The following PCDH15 variants were observed in gnomAD, a reference collection of about 807,000 sequenced individuals.
PCDH15 encodes the protein protocadherin related 15.
In PCDH15, 129 loss-of-function variants were observed where a neutral mutation model predicts 178.5. The observed-to-expected ratio is 0.72, with a 90% CI of 0.63 to 0.84. The LOEUF (loss-of-function observed/expected upper bound fraction) is 0.84. PCDH15 is among the 40% of genes least tolerant of loss of function. The pLI is 0.00. For synonymous variants in PCDH15, 800 were observed against 732.0 expected, an observed-to-expected ratio of 1.09 and a Z score of -1.50; for missense variants, 2,230 against 2,099.9, an observed-to-expected ratio of 1.06 and a Z score of -1.21.
intron 3 of PCDH15, among the ~76,000 whole-genome samples, chr10:54,469,494 A>C (rs1009187359): frequency 3.3e-5 from 5 of 152,196 alleles, no homozygotes; most frequent in African/African-American, 1.2e-4. Context: ...GTGAGGGCTT[A>C]GTCACATATA....
chr10:54,099,885 A>C lies in PCDH15; in HGVS notation c.1918-9822T>G, dbSNP rs565503837. Among the ~76,000 whole-genome samples the C allele has an allele frequency of 3.0e-4, 46 of 152,288 alleles. No homozygotes were observed. The South Asian group carries it at 9.5e-3, about 32-fold the overall frequency. On this transcript the variant is annotated intron_variant, in intron 15 of 37. Transcript: ENST00000644397. Reference sequence around the variant, plus strand: ...TCCAGGTCTAGTATCTACAAGATTAAGAACCTAGTCTTAATTCTCTCACTT... The same window carrying C: ...TCCAGGTCTAGTATCTACAAGATTACGAACCTAGTCTTAATTCTCTCACTT...
At chr10:55,438,681 A>T (rs1839105926) in intron 2 of PCDH15, among the ~76,000 whole-genome samples, 2 of 152,120 alleles carry the variant, frequency 1.3e-5, no homozygotes, top group South Asian at 4.1e-4. Flanking sequence ...AGAAAGAGAA[A>T]CGGAAAAGAA....
intron 1 of PCDH15, among the ~76,000 whole-genome samples, chr10:54,753,356 G>T (rs1946600125): frequency 6.6e-6 from 1 of 151,996 alleles, no homozygotes. Context: ...CTAACTTTTT[G>T]TATTTTTAGC....
chr10:54,457,224 TCTAA>T (rs745983950), intron 3 of PCDH15, among the ~76,000 whole-genome samples: 2 of 152,156 alleles, frequency 1.3e-5, no homozygotes, highest in Non-Finnish European at 1.5e-5. Context: ...TAATTTCAAC[TCTAA>T]CTATCAAAGT....
chr10:54,888,095 G>A (rs928869556), intron 3 of PCDH15, among the ~76,000 whole-genome samples: 6 of 152,174 alleles, frequency 3.9e-5, no homozygotes, highest in Non-Finnish European at 5.9e-5. Context: ...CAAGCTTAAC[G>A]TATGTAAACA....
chr10:54,601,256 G>A (rs1460186170), intron 2 of PCDH15, among the ~76,000 whole-genome samples: 1 of 151,884 alleles, frequency 6.6e-6, no homozygotes, highest in Non-Finnish European at 1.5e-5. Flanking sequence ...CAATAGAATG[G>A]GAGAAATTAT....
In PCDH15 at chr10:55,233,538, TAA is replaced by T. The variant is rs577513821; in HGVS notation, c.-155-66889_-155-66888del. Among the ~76,000 whole-genome samples the T allele has an allele frequency of 4.6e-5, 7 of 152,136 alleles. No individual in the cohort carries two copies. In the South Asian group the frequency reaches 1.2e-3, roughly 27 times the overall value. ...ACATGTGTCATAAGGATAAGAAAAA[TAA>T]AGTCAACTTCATAAAATGCACTGAT... On this transcript the variant is annotated intron_variant, in intron 1 of 5. Transcript: ENST00000458638.
At position 54,170,521 on chromosome 10, in the gene PCDH15, T is replaced by C. The variant is rs569398907; in HGVS notation, c.1590+12923A>G. Among the ~76,000 whole-genome samples, 366 of 151,688 alleles carry C rather than the reference T, an allele frequency of 2.4e-3. 3 individuals carry two copies. The highest frequency in any genetic ancestry group is 8.4e-3 in the African/African-American group (344 of 41,006). The stretch of plus-strand genomic sequence containing the variant: ...TATTTTCTTCCTCATACCTGATGCA[T>C]ATACTTTCTGCTTCCCAGCTCCTTC... On this transcript the variant is annotated intron_variant, in intron 13 of 37. Coordinates refer to ENST00000644397, the MANE Select transcript of PCDH15 (RefSeq NM_001384140.1).
At chr10:54,273,837 T>C (rs932829908) in intron 8 of PCDH15, among the ~76,000 whole-genome samples, 5 of 152,118 alleles carry the variant, frequency 3.3e-5, no homozygotes, top group African/African-American at 1.2e-4. Context: ...CTATTCCCTC[T>C]GGAACACCCT....
chr10:55,114,498 T>G (rs1426701034), intron 2 of PCDH15, among the ~76,000 whole-genome samples: 1 of 152,236 alleles, frequency 6.6e-6, no homozygotes. Context: ...ATTCTGACTT[T>G]TAGCTAAGCA....
chr10:54,738,596 G>T (rs1591373953), intron 1 of PCDH15, among the ~76,000 whole-genome samples: 1 of 151,926 alleles, frequency 6.6e-6, no homozygotes, highest in East Asian at 1.9e-4. Context: ...AGACAAACAT[G>T]CAATAATAAT....
intron 2 of PCDH15, among the ~76,000 whole-genome samples, chr10:55,078,947 T>C (rs1841974718): frequency 6.6e-6 from 1 of 152,182 alleles, no homozygotes; most frequent in African/African-American, 2.4e-5. Context: ...TTCTATTCAA[T>C]GAGTTCTTCG....
At chr10:54,051,369 A>G (rs72794975) in intron 18 of PCDH15, among the ~76,000 whole-genome samples, 3,432 of 152,294 alleles carry the variant, frequency 0.023, 51 homozygotes, top group Non-Finnish European at 0.037. Context: ...GGAACTCTCT[A>G]GAGACTTGTT....
At position 54,408,882 on chromosome 10, in the gene PCDH15, C is replaced by G. The variant is rs529118864; in HGVS notation, c.158-29940G>C. Among the ~76,000 whole-genome samples, 118 of 152,114 alleles carry G rather than the reference C, an allele frequency of 7.8e-4. 2 individuals are homozygous for G. The highest frequency in any genetic ancestry group is 1.5e-3 in the Non-Finnish European group (105 of 68,028). On this transcript the variant is annotated intron_variant, in intron 3 of 37. Coordinates refer to ENST00000644397, the MANE Select transcript of PCDH15 (RefSeq NM_001384140.1). ...GCTTTCTGGAACCAGGCATCTGGAT[C>G]ATGGGAAAGGCAGCATTTCCTAGGT... is the stretch of plus-strand genomic sequence containing the variant.
At chr10:54,515,980 A>G (rs1438568811) in intron 3 of PCDH15, among the ~76,000 whole-genome samples, 1 of 152,216 alleles carries the variant, frequency 6.6e-6, no homozygotes, top group East Asian at 1.9e-4. Context: ...GGACATCCAC[A>G]CCAAAAATCC....
At chr10:54,617,755 C>CAAAAAAAAAAAAAAAAAAA (rs71010398) in intron 2 of PCDH15, among the ~76,000 whole-genome samples, 1 of 117,140 alleles carries the variant, frequency 8.5e-6, no homozygotes, top group Non-Finnish European at 1.8e-5. Context: ...TCTAAAAATA[C>CAAAAAAAAAAAAAAAAAAA]AAAAAAAAAA....
rs11004752 is a variant in PCDH15 at position 55,150,058 on chromosome 10, T to A, written c.-80+16518A>T. Among the ~76,000 whole-genome samples the A allele has an allele frequency of 1.8e-4, 18 of 102,320 alleles. No individual in the cohort carries two copies. The East Asian group carries it at 4.2e-3, about 24-fold the overall frequency. 67.1% of individuals were successfully genotyped at this position (102,320 alleles called of 152,430 possible). A position where few individuals can be genotyped will look rare whatever the true frequency, so the allele number is the denominator to read the frequency against. On this transcript the variant is annotated intron_variant, in intron 2 of 5. Coordinates refer to the PCDH15 transcript ENST00000458638. Reference sequence around the variant, plus strand: ...AAAGAAGAGAAGAGAGAGAGAGAAGTGAAGAGGAGAGGAGGGGGAGGGGAG... The same window carrying A: ...AAAGAAGAGAAGAGAGAGAGAGAAGAGAAGAGGAGAGGAGGGGGAGGGGAG...
rs115898348 is a variant in PCDH15 at position 54,697,142 on chromosome 10, T to C, written c.-28-32852A>G. Among the ~76,000 whole-genome samples the C allele has an allele frequency of 5.7e-3, 872 of 152,224 alleles. 9 individuals carry two copies. Among genetic ancestry groups the C allele is most frequent in the African/African-American group, 0.02 (833 of 41,560 alleles). The stretch of plus-strand genomic sequence containing the variant: ...GAAATAAAGTTATTTTATTTATTTG[T>C]AGTTACTACAGAAGAAATGACTTTG... On this transcript the variant is annotated intron_variant, in intron 1 of 37. Coordinates refer to ENST00000644397, the MANE Select transcript of PCDH15 (RefSeq NM_001384140.1).
intron 3 of PCDH15, among the ~76,000 whole-genome samples, chr10:54,890,549 A>T (rs1193337958): frequency 6.6e-6 from 1 of 151,980 alleles, no homozygotes; most frequent in East Asian, 1.9e-4. Context: ...TAGAGAAGAG[A>T]AAGGCTTTGA....
Sources: gnomAD v4.1 joint callset for allele counts (sites outside exome capture counted in the v4.1 genomes callset) on GRCh38, gnomAD v4.1.1 for gene constraint, MANE v1.5 for transcripts, NCBI Gene and HGNC (gene_info 2026-07-23, HGNC 2026-07-21) for gene names.